The following PCDHA4 variants were observed in gnomAD, a reference collection of about 807,000 sequenced individuals.
PCDHA4 encodes protocadherin alpha 4.
PCDHA4 carries 49 observed loss-of-function variants against 61.4 expected under a neutral mutation model. That is an observed-to-expected ratio of 0.80 (90% CI 0.63 to 1.01). The LOEUF (loss-of-function observed/expected upper bound fraction) is 1.01. Ranked by LOEUF, PCDHA4 falls within the 50% of genes least tolerant of loss-of-function variation. The probability of loss-of-function intolerance (pLI) is 0.00; values close to 1 mark genes in which losing one functional copy is unlikely to be tolerated. For missense variants in PCDHA4, 1,254 were observed against 1,235.8 expected (o/e 1.01, Z -0.22); for synonymous variants, 590 against 550.3 (o/e 1.07, Z -1.01).
chr5:140,926,068 G>A (rs2082901302), intron 1 of PCDHA4, among the ~76,000 whole-genome samples: 1 of 152,168 alleles, frequency 6.6e-6, no homozygotes, highest in African/African-American at 2.4e-5. Context: ...CCTCCTTGTC[G>A]TCTCTATTGC....
intron 1 of PCDHA4, chr5:140,822,704 A>G (rs1767403436): frequency 1.2e-6 from 2 of 1,610,868 alleles, no homozygotes; most frequent in Admixed American, 3.3e-5. Context: ...CTGGATTATG[A>G]AGACTATAAC....
intron 1 of PCDHA4, chr5:140,860,192 C>CATATATAT (rs143984774): frequency 6.9e-4 from 101 of 146,860 alleles, no homozygotes; most frequent in African/African-American, 2.5e-3. Context: ...GCTCTCCTTA[C>CATATATAT]ATATATATCT....
intron 1 of PCDHA4, chr5:140,862,642 G>A: frequency 1.8e-6 from 1 of 540,964 alleles, no homozygotes; most frequent in South Asian, 1.4e-5. Context: ...CGACTTCACA[G>A]TGTCCGCGCG....
chr5:140,978,444 T>G (rs2096802589), intron 1 of PCDHA4, among the ~76,000 whole-genome samples: 1 of 152,248 alleles, frequency 6.6e-6, no homozygotes, highest in Non-Finnish European at 1.5e-5. Context: ...GTGTTATGAC[T>G]GGGCACATCC....
At chr5:140,908,493 G>A (rs545927854) in intron 1 of PCDHA4, among the ~76,000 whole-genome samples, 1 of 152,152 alleles carries the variant, frequency 6.6e-6, no homozygotes, top group African/African-American at 2.4e-5. Flanking sequence ...AGTTCAGGTT[G>A]CTTGGTGACT....
In PCDHA4 at chr5:140,849,860, C is replaced by T. The variant is rs1451585591; in HGVS notation, c.2385+40288C>T. The T allele has an allele frequency of 5.6e-5, 89 of 1,598,432 alleles. 9 individuals carry two copies. Among genetic ancestry groups the T allele is most frequent in the Non-Finnish European group, 7.4e-5 (87 of 1,167,988 alleles). ...ACGTGAACGACAACGCACCAGCGTT[C>T]GCGCAGTCCGAGTACACGGTGTTCG... On this transcript the variant is annotated intron_variant, in intron 1 of 3. Transcript: ENST00000530339.
chr5:140,848,532 C>T, intron 1 of PCDHA4: 2 of 1,594,974 alleles, frequency 1.3e-6, no homozygotes, highest in Non-Finnish European at 1.7e-6. Context: ...AGAGGGTCAG[C>T]CTCTACTGCT....
intron 1 of PCDHA4, among the ~76,000 whole-genome samples, chr5:140,900,796 A>G (rs1269266602): frequency 1.3e-5 from 2 of 152,188 alleles, no homozygotes; most frequent in Admixed American, 6.5e-5. Flanking sequence ...ACTGTTCTCC[A>G]TAGTGCTTGT....
In PCDHA4 at chr5:140,982,576, G is replaced by C. The variant is rs782355791; in HGVS notation, c.2533+13G>C. ...AGTGCAACACCAGGTAAAGAGCTGG[G>C]GTCTCTCCATTCTTTCTTGGTTTCT... On this transcript the variant is annotated intron_variant, in intron 3 of 3. Transcript: ENST00000530339. 3.1e-6 allele frequency: 5 copies of C among 1,613,270 alleles called. 1 individual carries two copies. In the South Asian group the frequency reaches 5.5e-5, roughly 18 times the overall value.
chr5:140,914,130 A>G (rs552189632), intron 1 of PCDHA4, among the ~76,000 whole-genome samples: 2 of 152,146 alleles, frequency 1.3e-5, no homozygotes, highest in African/African-American at 4.8e-5. Flanking sequence ...TTCTTTGTTG[A>G]GTTTTTGTCT....
chr5:140,945,887 A>G (rs1291923718), intron 1 of PCDHA4, among the ~76,000 whole-genome samples: 2 of 152,132 alleles, frequency 1.3e-5, no homozygotes, highest in Admixed American at 1.3e-4. Flanking sequence ...AACAAAGAAA[A>G]CACAGTGGGA....
intron 1 of PCDHA4, chr5:140,816,542 C>T (rs1473760184): frequency 6.6e-6 from 1 of 151,480 alleles, no homozygotes; most frequent in Non-Finnish European, 1.5e-5. Flanking sequence ...TGGGCACGCA[C>T]TATTTGATTG....
chr5:140,871,524 G>A (rs1554165700), intron 1 of PCDHA4: 3 of 1,546,672 alleles, frequency 1.9e-6, no homozygotes, highest in Middle Eastern at 1.7e-4. Flanking sequence ...CACCTATCAG[G>A]AAGTGTATGT....
intron 1 of PCDHA4, among the ~76,000 whole-genome samples, chr5:140,895,037 C>G (rs28619398): frequency 6.6e-6 from 1 of 152,134 alleles, no homozygotes; most frequent in Non-Finnish European, 1.5e-5. Context: ...TTGTCCCCCA[C>G]CCACACCATT....
intron 1 of PCDHA4, among the ~76,000 whole-genome samples, chr5:140,826,796 T>C (rs1158951644): frequency 6.6e-6 from 1 of 152,184 alleles, no homozygotes; most frequent in Non-Finnish European, 1.5e-5. Flanking sequence ...AAAAAGTTGA[T>C]TACCTAACAT....
At position 140,979,408 on chromosome 5, in the gene PCDHA4, G is replaced by GT. The variant is rs558051720; in HGVS notation, c.2444+411dup. Among the ~76,000 whole-genome samples the GT allele has an allele frequency of 3.0e-3, 447 of 147,714 alleles. 2 individuals carry two copies. Among genetic ancestry groups the GT allele is most frequent in the East Asian group, 0.02 (102 of 5,050 alleles). On this transcript the variant is annotated intron_variant, in intron 2 of 3. Coordinates refer to ENST00000530339, the MANE Select transcript of PCDHA4 (RefSeq NM_018907.4). ...TGTATACATACATGTTGTCTACCTT[G>GT]TTTTTTTTTTAATCTCACATTGGCT...
Position 140,808,582 on chromosome 5 carries a change from G to A in PCDHA4, c.1395G>A (p.Lys465=). The change falls in exon 1 of 4, where the codon AAG becomes AAA. Residue 465 remains lysine, a synonymous_variant. Transcript: ENST00000530339. ...FAQPEYTVFV[K]ENNPPGCHIF... is the part of the protein sequence containing the mutation. ...AGCCCGAGTACACAGTGTTCGTGAA[G>A]GAGAACAACCCGCCGGGCTGCCACA... The A allele has an allele frequency of 6.2e-7, 1 of 1,614,070 alleles. No homozygotes were observed. Among genetic ancestry groups the A allele is most frequent in the East Asian group, 2.2e-5 (1 of 44,882 alleles).
chr5:140,983,239 C>CCTGCTAAGTTGTGTAAAAAA (rs1261909895), intron 3 of PCDHA4, among the ~76,000 whole-genome samples: 1 of 152,176 alleles, frequency 6.6e-6, no homozygotes, highest in Non-Finnish European at 1.5e-5. Flanking sequence ...GGAAAGAGAA[C>CCTGCTAAGTTGTGTAAAAAA]CTGCTAAGTT....
At chr5:140,977,097 G>T (rs988046010) in intron 1 of PCDHA4, among the ~76,000 whole-genome samples, 2 of 152,222 alleles carry the variant, frequency 1.3e-5, no homozygotes, top group African/African-American at 4.8e-5. Flanking sequence ...GTGTCATTGG[G>T]GAAGTGAGAT....
Sources: gnomAD v4.1 joint callset for allele counts (sites outside exome capture counted in the v4.1 genomes callset) on GRCh38, gnomAD v4.1.1 for gene constraint, MANE v1.5 for transcripts, NCBI Gene and HGNC (gene_info 2026-07-23, HGNC 2026-07-21) for gene names.